Variants in CDH8 observed in about 807,000 individuals in gnomAD.
CDH8 encodes the protein cadherin-8.
In CDH8, 17 loss-of-function variants were observed where a neutral mutation model predicts 68.1. That is an observed-to-expected ratio of 0.25 (90% CI 0.17 to 0.37). The LOEUF (loss-of-function observed/expected upper bound fraction) is 0.37. Among genes scored for constraint, CDH8 ranks in the 10% least tolerant of loss-of-function variants. The pLI is 1.00. For missense variants in CDH8, 763 were observed against 999.3 expected (o/e 0.76, Z 3.19); for synonymous variants, 372 against 365.1 (o/e 1.02, Z -0.21).
At position 61,647,992 on chromosome 16, in the gene CDH8, T is replaced by C. The variant is rs1963241849; in HGVS notation, c.*5616A>G. The C allele has an allele frequency of 1.6e-6, 1 of 619,546 alleles. No homozygotes were observed. 38.4% of individuals were successfully genotyped at this position (619,546 alleles called of 1,614,324 possible). A position where few individuals can be genotyped will look rare whatever the true frequency, so the allele number is the denominator to read the frequency against. On this transcript the variant is annotated 3_prime_UTR_variant, in exon 12 of 12. Transcript: ENST00000577390. The stretch of plus-strand genomic sequence containing the variant: ...ATTAGATGGTGGCAGGTAACTCAAG[T>C]TGGGGAAATAGTACCCAAAGGCACT...
intron 2 of CDH8, among the ~76,000 whole-genome samples, chr16:61,913,861 A>G (rs1454893454): frequency 6.6e-6 from 1 of 152,176 alleles, no homozygotes; most frequent in Non-Finnish European, 1.5e-5. Flanking sequence ...CTAATCAAAA[A>G]CAAAAATAAT....
intron 10 of CDH8, among the ~76,000 whole-genome samples, chr16:61,687,418 A>G (rs1427000477): frequency 6.6e-6 from 1 of 151,978 alleles, no homozygotes; most frequent in East Asian, 1.9e-4. Context: ...AGATAGTCTA[A>G]CTACTTTTCT....
intron 2 of CDH8, among the ~76,000 whole-genome samples, chr16:61,947,579 T>C (rs1964820678): frequency 6.6e-6 from 1 of 152,186 alleles, no homozygotes; most frequent in South Asian, 2.1e-4. Context: ...TTTCAGACAG[T>C]GTAAATCTGA....
intron 2 of CDH8, among the ~76,000 whole-genome samples, chr16:61,981,648 ATGTGTG>A (rs750036103): frequency 1.3e-3 from 190 of 146,826 alleles, no homozygotes; most frequent in Admixed American, 1.9e-3. Context: ...CTTGAAAAGA[ATGTGTG>A]TGTGTGTGTG....
At chr16:61,788,496 C>T (rs943656956) in intron 8 of CDH8, among the ~76,000 whole-genome samples, 1 of 151,964 alleles carries the variant, frequency 6.6e-6, no homozygotes, top group Non-Finnish European at 1.5e-5. Flanking sequence ...TAGAAAGAAG[C>T]TATTCAGATA....
intron 10 of CDH8, among the ~76,000 whole-genome samples, chr16:61,700,008 C>G (rs1264221599): frequency 6.6e-6 from 1 of 151,988 alleles, no homozygotes; most frequent in Non-Finnish European, 1.5e-5. Context: ...TGTAATGTTC[C>G]CAAAATCAGA....
intron 1 of CDH8, among the ~76,000 whole-genome samples, chr16:62,022,067 T>TA (rs1405823791): frequency 2.6e-5 from 4 of 152,156 alleles, no homozygotes; most frequent in Non-Finnish European, 4.4e-5. Flanking sequence ...ACTTTTTTTT[T>TA]ACCTGTTTAA....
intron 6 of CDH8, among the ~76,000 whole-genome samples, chr16:61,820,034 G>C (rs1962173046): frequency 6.6e-6 from 1 of 152,040 alleles, no homozygotes; most frequent in Non-Finnish European, 1.5e-5. Context: ...AACTATAAAT[G>C]GAAAATGCTG....
chr16:61,736,525 G>A (rs891377697), intron 8 of CDH8, among the ~76,000 whole-genome samples: 1 of 152,024 alleles, frequency 6.6e-6, no homozygotes, highest in South Asian at 2.1e-4. Flanking sequence ...AAATCTACTG[G>A]GTATTTCTTG....
At chr16:61,729,984 C>A (rs1959488623) in intron 8 of CDH8, among the ~76,000 whole-genome samples, 1 of 145,650 alleles carries the variant, frequency 6.9e-6, no homozygotes, top group Non-Finnish European at 1.5e-5. Flanking sequence ...ATATTACATG[C>A]ACGTGTGCAT....
intron 8 of CDH8, among the ~76,000 whole-genome samples, chr16:61,761,550 A>G (rs1039727121): frequency 3.9e-5 from 6 of 152,160 alleles, no homozygotes; most frequent in Admixed American, 1.3e-4. Flanking sequence ...ACCCTGTCTG[A>G]ATATTAGGAT....
intron 10 of CDH8, among the ~76,000 whole-genome samples, chr16:61,665,424 G>A (rs193055804): frequency 4.6e-4 from 70 of 152,078 alleles, no homozygotes; most frequent in Non-Finnish European, 8.8e-4. Context: ...AACACCGCAT[G>A]TTCTCACTCA....
intron 8 of CDH8, among the ~76,000 whole-genome samples, chr16:61,758,804 T>C (rs1055864973): frequency 3.3e-5 from 5 of 152,228 alleles, no homozygotes; most frequent in African/African-American, 7.2e-5. Context: ...AATGGGGCTA[T>C]ATGATCTTTT....
chr16:61,661,182 T>G (rs2142755267), intron 10 of CDH8, among the ~76,000 whole-genome samples: 1 of 152,058 alleles, frequency 6.6e-6, no homozygotes, highest in South Asian at 2.1e-4. Context: ...ATATCTCACT[T>G]TCAATAATAA....
intron 7 of CDH8, among the ~76,000 whole-genome samples, chr16:61,797,365 TA>T (rs1961523552): frequency 6.6e-6 from 1 of 152,076 alleles, no homozygotes; most frequent in African/African-American, 2.4e-5. Flanking sequence ...AAACTGCAAT[TA>T]AGTCTGGAAT....
intron 2 of CDH8, among the ~76,000 whole-genome samples, chr16:61,984,177 C>A (rs1223594057): frequency 6.6e-6 from 1 of 152,084 alleles, no homozygotes; most frequent in East Asian, 1.9e-4. Flanking sequence ...CTCGGCCTCC[C>A]AAAGTGCTGG....
chr16:61,681,286 C>T (rs1964008025), intron 10 of CDH8, among the ~76,000 whole-genome samples: 1 of 151,916 alleles, frequency 6.6e-6, no homozygotes. Flanking sequence ...TGTCCATCAG[C>T]TGCTGCATGA....
chr16:61,816,368 A>T (rs999242902), intron 7 of CDH8, among the ~76,000 whole-genome samples: 6 of 152,190 alleles, frequency 3.9e-5, no homozygotes, highest in South Asian at 2.1e-4. Context: ...TACATTTTTT[A>T]AAAAATCGAA....
At chr16:61,890,076 G>A (rs2143186820) in intron 3 of CDH8, among the ~76,000 whole-genome samples, 1 of 152,300 alleles carries the variant, frequency 6.6e-6, no homozygotes, top group South Asian at 2.1e-4. Flanking sequence ...CGGTTGAAAT[G>A]CTGACCATAA....
Sources: gnomAD v4.1 joint callset for allele counts (sites outside exome capture counted in the v4.1 genomes callset) on GRCh38, gnomAD v4.1.1 for gene constraint, MANE v1.5 for transcripts, NCBI Gene and HGNC (gene_info 2026-07-23, HGNC 2026-07-21) for gene names.